The following CDH12 variants were observed in gnomAD, a reference collection of about 807,000 sequenced individuals.
CDH12 encodes the protein cadherin 12.
In CDH12, 41 loss-of-function variants were observed where a neutral mutation model predicts 74.1. That is an observed-to-expected ratio of 0.55 (90% CI 0.43 to 0.72). CDH12 has a LOEUF of 0.72. Ranked by LOEUF, CDH12 falls within the 30% of genes least tolerant of loss-of-function variation. CDH12 has a pLI of 0.00. For synonymous variants in CDH12, 399 were observed against 355.0 expected (o/e 1.12, Z -1.39); for missense variants, 945 against 977.2 (o/e 0.97, Z 0.44).
intron 3 of CDH12, among the ~76,000 whole-genome samples, chr5:22,403,720 T>C (rs951185676): frequency 2.6e-5 from 4 of 152,144 alleles, no homozygotes; most frequent in African/African-American, 7.2e-5. Context: ...AGTTTGCCAT[T>C]TTCAGCTTTA....
intron 4 of CDH12, among the ~76,000 whole-genome samples, chr5:22,090,246 C>A (rs1425219240): frequency 3.3e-5 from 5 of 151,698 alleles, no homozygotes; most frequent in Non-Finnish European, 7.4e-5. Flanking sequence ...ATAACAAATA[C>A]CATGAACAAC....
chr5:22,676,035 A>T (rs1325392544), intron 1 of CDH12, among the ~76,000 whole-genome samples: 4 of 151,524 alleles, frequency 2.6e-5, no homozygotes, highest in African/African-American at 9.7e-5. Context: ...CACTGAGAAA[A>T]CTAATTTAAA....
At chr5:22,200,679 G>A (rs192932767) in intron 4 of CDH12, among the ~76,000 whole-genome samples, 3 of 152,286 alleles carry the variant, frequency 2.0e-5, no homozygotes, top group Non-Finnish European at 2.9e-5. Context: ...TCAAGGGGAC[G>A]TAGGGAAGCA....
chr5:22,390,014 TACAC>T (rs70959727), intron 3 of CDH12, among the ~76,000 whole-genome samples: 13 of 150,108 alleles, frequency 8.7e-5, no homozygotes, highest in South Asian at 2.1e-4. Context: ...GTAGTCAGAA[TACAC>T]ACACACACAC....
chr5:22,412,946 T>C (rs1743223115), intron 2 of CDH12, among the ~76,000 whole-genome samples: 1 of 151,982 alleles, frequency 6.6e-6, no homozygotes, highest in Non-Finnish European at 1.5e-5. Flanking sequence ...TGTTCATCCA[T>C]CATCAGAATA....
rs921527522 is a variant in CDH12 at position 22,727,618 on chromosome 5, G to C, written c.-523+125440C>G. Among the ~76,000 whole-genome samples the C allele has an allele frequency of 2.6e-5, 4 of 151,636 alleles. No homozygotes were observed. In the South Asian group the frequency reaches 8.3e-4, roughly 31 times the overall value. ...ACTCTAGAGTTCCTTTAGGAGAATA[G>C]TATTTATTAGTGTGGCTTCATGGTA... On this transcript the variant is annotated intron_variant, in intron 1 of 14. Coordinates refer to ENST00000382254, the MANE Select transcript of CDH12 (RefSeq NM_004061.5).
Position 22,618,525 on chromosome 5 carries a change from G to A in CDH12, c.-522-113161C>T, listed in dbSNP as rs1737799905. Among the ~76,000 whole-genome samples the A allele has an allele frequency of 2.6e-5, 4 of 152,226 alleles. No individual in the cohort carries two copies. In the South Asian group the frequency reaches 8.3e-4, roughly 32 times the overall value. ...GTGCCTGAACTTTGGATTGTGTGCT[G>A]ACCTTAATTAGCAGCAATACTGAAC... On this transcript the variant is annotated intron_variant, in intron 1 of 14. Coordinates refer to ENST00000382254, the MANE Select transcript of CDH12 (RefSeq NM_004061.5).
At chr5:21,841,802 G>C (rs1460524363) in intron 8 of CDH12, among the ~76,000 whole-genome samples, 3 of 142,656 alleles carry the variant, frequency 2.1e-5, no homozygotes, top group Middle Eastern at 3.8e-3. Flanking sequence ...GGTGGGAATT[G>C]AACAATGAGA....
intron 1 of CDH12, among the ~76,000 whole-genome samples, chr5:22,766,356 T>C (rs1350938958): frequency 6.6e-6 from 1 of 151,952 alleles, no homozygotes; most frequent in East Asian, 1.9e-4. Flanking sequence ...AAATTAACAA[T>C]AGAATGGATA....
At chr5:22,575,610 G>A (rs1284802716) in intron 1 of CDH12, among the ~76,000 whole-genome samples, 1 of 152,018 alleles carries the variant, frequency 6.6e-6, no homozygotes, top group Admixed American at 6.6e-5. Context: ...TATCTCCTAG[G>A]CAGGAGTGCA....
In CDH12 at chr5:21,787,002, G is replaced by C. The variant is rs116361892; in HGVS notation, c.1257-3508C>G. On this transcript the variant is annotated intron_variant, in intron 10 of 14. Transcript: ENST00000382254. ...TTCATGATAAAACTTGAACAAAAGG[G>C]GACTTGCTTCTTACAGATGAGCAAA... Among the ~76,000 whole-genome samples the C allele has an allele frequency of 5.6e-3, 850 of 152,210 alleles. 10 individuals are homozygous for C. The highest frequency in any genetic ancestry group is 0.02 in the African/African-American group (819 of 41,536).
chr5:22,110,303 A>C (rs1744730094), intron 4 of CDH12, among the ~76,000 whole-genome samples: 1 of 152,162 alleles, frequency 6.6e-6, no homozygotes, highest in African/African-American at 2.4e-5. Flanking sequence ...CCTCTTCTTC[A>C]TCTGACAGGT....
intron 9 of CDH12, among the ~76,000 whole-genome samples, chr5:21,811,656 T>C (rs1747749957): frequency 6.6e-6 from 1 of 151,786 alleles, no homozygotes; most frequent in East Asian, 1.9e-4. Flanking sequence ...AAAACTTTAT[T>C]CTGATTTTAT....
At chr5:22,060,419 G>A (rs1238091230) in intron 5 of CDH12, among the ~76,000 whole-genome samples, 1 of 151,978 alleles carries the variant, frequency 6.6e-6, no homozygotes, top group Non-Finnish European at 1.5e-5. Context: ...AAACCACCAT[G>A]GCACATGTAT....
intron 7 of CDH12, among the ~76,000 whole-genome samples, chr5:21,844,083 A>C (rs2149988961): frequency 6.6e-6 from 1 of 152,252 alleles, no homozygotes; most frequent in East Asian, 1.9e-4. Flanking sequence ...AGAATTGTGG[A>C]GTTGTTCCTT....
At chr5:22,425,869 C>T (rs1359765384) in intron 2 of CDH12, among the ~76,000 whole-genome samples, 1 of 152,090 alleles carries the variant, frequency 6.6e-6, no homozygotes, top group East Asian at 1.9e-4. Context: ...TTCACATGTT[C>T]CTGGATCGTC....
At chr5:22,188,095 GTGT>G (rs1750069203) in intron 4 of CDH12, among the ~76,000 whole-genome samples, 1 of 150,650 alleles carries the variant, frequency 6.6e-6, no homozygotes, top group Middle Eastern at 3.2e-3. Context: ...CAGCATGTAG[GTGT>G]TGGGAGGTGG....
intron 1 of CDH12, among the ~76,000 whole-genome samples, chr5:22,561,561 G>C (rs1466115804): frequency 6.6e-6 from 1 of 151,892 alleles, no homozygotes; most frequent in Non-Finnish European, 1.5e-5. Flanking sequence ...TCTTTGGCCT[G>C]GTGGGGATTT....
chr5:22,617,285 T>G (rs7729750), intron 1 of CDH12, among the ~76,000 whole-genome samples: 3,925 of 152,106 alleles, frequency 0.026, 165 homozygotes, highest in African/African-American at 0.09. Context: ...CCTCACCAGA[T>G]ATGGAATTGG....
Sources: allele counts gnomAD v4.1 joint callset (sites outside exome capture counted in the v4.1 genomes callset), GRCh38; gene constraint gnomAD v4.1.1; transcripts MANE v1.5; gene names NCBI Gene and HGNC (gene_info 2026-07-23, HGNC 2026-07-21).